PGRMC2: variants seen among roughly 807,000 people sequenced by gnomAD.
PGRMC2 encodes the protein progesterone receptor membrane component 2.
PGRMC2 carries 9 observed loss-of-function variants against 19.3 expected under a neutral mutation model. That is an observed-to-expected ratio of 0.47 (90% CI 0.28 to 0.81). The LOEUF (loss-of-function observed/expected upper bound fraction) is 0.81. Ranked by LOEUF, PGRMC2 falls within the 40% of genes least tolerant of loss-of-function variation. PGRMC2 has a pLI of 0.11. For missense variants in PGRMC2, 289 were observed against 297.3 expected (o/e 0.97, Z 0.21); for synonymous variants, 157 against 124.6 (o/e 1.26, Z -1.73).
At position 128,272,668 on chromosome 4, in the gene PGRMC2, C is replaced by CAGAT. The variant is rs1760751678; in HGVS notation, c.419-155_419-152dup. ...TATACCCTTAATTTCAAAACATGTA[C>CAGAT]AGATACTAGATGGAATAAGAAAAGA... On this transcript the variant is annotated intron_variant, in intron 1 of 2. Transcript: ENST00000296425. The CAGAT allele has an allele frequency of 7.1e-6, 3 of 423,570 alleles. No homozygotes were observed. In the East Asian group the frequency reaches 1.1e-4, roughly 15 times the overall value. 26.2% of individuals were successfully genotyped at this position (423,570 alleles called of 1,614,324 possible). A position where few individuals can be genotyped will look rare whatever the true frequency, so the allele number is the denominator to read the frequency against.
At chr4:128,285,846 A>G (rs1760974890) in intron 1 of PGRMC2, among the ~76,000 whole-genome samples, 1 of 152,200 alleles carries the variant, frequency 6.6e-6, no homozygotes, top group African/African-American at 2.4e-5. Context: ...ATTTCAGTTG[A>G]TATAAGTAGG....
In PGRMC2 at chr4:128,278,320, C is replaced by T. The variant is rs114456226; in HGVS notation, c.419-5803G>A. Among the ~76,000 whole-genome samples the T allele has an allele frequency of 5.3e-3, 803 of 152,280 alleles. 9 individuals carry two copies. Among genetic ancestry groups the T allele is most frequent in the African/African-American group, 0.018 (768 of 41,558 alleles). ...CTAGATAACCTTCTGTTAAAAAACA[C>T]AACCCCTTGGGAGGCCAAGGCGGGT... is the stretch of plus-strand genomic sequence containing the variant. On this transcript the variant is annotated intron_variant, in intron 1 of 2. Coordinates refer to ENST00000296425, the MANE Select transcript of PGRMC2 (RefSeq NM_006320.6).
rs577438997 is a variant in PGRMC2, at chr4:128,272,119, G to A, written c.574+243C>T. ...CTATTTTTTGCAATTTCTTTTTTTG[G>A]ACAAGTCTCACTATGTTGCCCAGGT... is the stretch of plus-strand genomic sequence containing the variant. On this transcript the variant is annotated intron_variant, in intron 2 of 2. Coordinates refer to ENST00000296425, the MANE Select transcript of PGRMC2 (RefSeq NM_006320.6). Among the ~76,000 whole-genome samples the A allele has an allele frequency of 8.6e-5, 13 of 151,400 alleles. No homozygotes were observed. In the South Asian group the frequency reaches 2.7e-3, roughly 32 times the overall value.
chr4:128,281,188 G>A (rs1484896056), intron 1 of PGRMC2, among the ~76,000 whole-genome samples: 1 of 152,190 alleles, frequency 6.6e-6, no homozygotes, highest in African/African-American at 2.4e-5. Flanking sequence ...AAAACAGGAT[G>A]GGGGAGGAAT....
chr4:128,279,878 A>T (rs1760877970), intron 1 of PGRMC2, among the ~76,000 whole-genome samples: 1 of 152,194 alleles, frequency 6.6e-6, no homozygotes, highest in Non-Finnish European at 1.5e-5. Context: ...GGAAGGGAAC[A>T]TGGTGGCTGG....
chr4:128,275,794 T>C (rs752924045), intron 1 of PGRMC2, among the ~76,000 whole-genome samples: 2 of 152,198 alleles, frequency 1.3e-5, no homozygotes, highest in Admixed American at 6.5e-5. Context: ...GGCTCAATCA[T>C]ATTTCACTGT....
In PGRMC2 at chr4:128,274,789, A is replaced by T. The variant is rs1760784034; in HGVS notation, c.419-2272T>A. 2.6e-5 allele frequency among the ~76,000 whole-genome samples: 4 copies of T among 152,208 alleles called. No homozygotes were observed. The South Asian group carries it at 8.3e-4, about 32-fold the overall frequency. ...AAGTGAAACATACAAAAGGAAAAAT[A>T]AAACTAATAAAGGCCATAACAATCT... On this transcript the variant is annotated intron_variant, in intron 1 of 2. Transcript: ENST00000296425.
At position 128,269,766 on chromosome 4, in the gene PGRMC2, G is replaced by T. The variant is rs1036019814; in HGVS notation, c.*1550C>A. The T allele has an allele frequency of 6.6e-6, 1 of 152,156 alleles. No individual in the cohort carries two copies. The highest frequency in any genetic ancestry group is 2.1e-4 in the South Asian group (1 of 4,826). The allele number at this position is 152,156 out of a possible 1,614,324, so 9.4% of individuals were successfully genotyped here. A position where few individuals can be genotyped will look rare whatever the true frequency, so the allele number is the denominator to read the frequency against. On this transcript the variant is annotated 3_prime_UTR_variant, in exon 3 of 3. Transcript: ENST00000296425. Reference sequence around the variant, plus strand: ...TTGATATATGAGGGGCTTTTAGTAAGGGCTTTTTCAACCTAATAAAATAAT... The same window carrying T: ...TTGATATATGAGGGGCTTTTAGTAATGGCTTTTTCAACCTAATAAAATAAT...
At chr4:128,286,773 G>A in intron 1 of PGRMC2, 1 of 396,026 alleles carries the variant, frequency 2.5e-6, no homozygotes, top group Non-Finnish European at 4.4e-6. Context: ...AGTCCGAGGT[G>A]TTGCTTATAC....
chr4:128,271,883 C>T (rs1332363515), intron 2 of PGRMC2, among the ~76,000 whole-genome samples: 2 of 152,110 alleles, frequency 1.3e-5, no homozygotes, highest in Admixed American at 6.6e-5. Context: ...GTGTTAAGAT[C>T]TGTAAAATCA....
chr4:128,283,075 T>G (rs553359075), intron 1 of PGRMC2, among the ~76,000 whole-genome samples: 43 of 152,396 alleles, frequency 2.8e-4, no homozygotes, highest in African/African-American at 1.0e-3. Flanking sequence ...AAGTCAAGTG[T>G]ATAATTTTTT....
chr4:128,285,218 C>T (rs918752990), intron 1 of PGRMC2, among the ~76,000 whole-genome samples: 3 of 152,130 alleles, frequency 2.0e-5, no homozygotes, highest in Non-Finnish European at 4.4e-5. Context: ...CCCCACCTCC[C>T]GGGTTCCAGC....
At chr4:128,272,287 A>T in intron 2 of PGRMC2, 75 bp downstream of exon 2, 2 of 875,352 alleles carry the variant, frequency 2.3e-6, no homozygotes, top group African/African-American at 1.8e-5. Flanking sequence ...TTAGGCTCTT[A>T]AAGCATGTAA....
chr4:128,272,601 A>C (rs1760749796), intron 1 of PGRMC2, 84 bp from the exon 2 acceptor site: 5 of 891,448 alleles, frequency 5.6e-6, no homozygotes, highest in South Asian at 7.9e-5. Context: ...AAAAAAAAAA[A>C]AACACAACAA....
At chr4:128,275,121 T>C (rs1014173616) in intron 1 of PGRMC2, among the ~76,000 whole-genome samples, 17 of 152,150 alleles carry the variant, frequency 1.1e-4, no homozygotes, top group African/African-American at 4.1e-4. Flanking sequence ...GGAATGAAAA[T>C]TTTAGAATAC....
intron 1 of PGRMC2, among the ~76,000 whole-genome samples, chr4:128,283,499 G>A (rs1388205004): frequency 6.6e-6 from 1 of 152,122 alleles, no homozygotes; most frequent in Non-Finnish European, 1.5e-5. Context: ...TATACAAAGT[G>A]CACTGTCCAA....
intron 1 of PGRMC2, among the ~76,000 whole-genome samples, chr4:128,276,288 C>G (rs1760811127): frequency 6.6e-6 from 1 of 152,086 alleles, no homozygotes; most frequent in Admixed American, 6.5e-5. Flanking sequence ...CCAAATAAAG[C>G]CAATTTGAAA....
In PGRMC2 at chr4:128,287,760, C is replaced by G; in HGVS notation, c.31G>C (p.Gly11Arg). ...CTCTCGCTGCCACTCCCCAGGGTGC[C>G]TAGCTTCACGTCCCCATCACCAGCC... MAAGDGDVKL[G>R]TLGSGSESSN... Residue 11 changes from glycine (G) to arginine (R), a missense_variant, in exon 1 of 3, where the codon GGC becomes CGC. By Grantham distance (125) the Gly-to-Arg change is moderately radical. Coordinates refer to ENST00000296425, the MANE Select transcript of PGRMC2 (RefSeq NM_006320.6). 6.8e-7 allele frequency: 1 copy of G among 1,479,802 alleles called. No homozygotes were observed. Among genetic ancestry groups the G allele is most frequent in the Non-Finnish European group, 9.3e-7 (1 of 1,080,564 alleles). The allele number at this position is 1,479,802 out of a possible 1,614,324, so 91.7% of individuals were successfully genotyped here. A position where few individuals can be genotyped will look rare whatever the true frequency, so the allele number is the denominator to read the frequency against.
intron 1 of PGRMC2, among the ~76,000 whole-genome samples, chr4:128,274,968 A>C (rs1760786129): frequency 6.6e-6 from 1 of 152,152 alleles, no homozygotes; most frequent in Non-Finnish European, 1.5e-5. Context: ...TTTGCCTAAA[A>C]TTACTGACAG....
Sources: gnomAD v4.1 joint callset for allele counts (sites outside exome capture counted in the v4.1 genomes callset) on GRCh38, gnomAD v4.1.1 for gene constraint, MANE v1.5 for transcripts, NCBI Gene and HGNC (gene_info 2026-07-23, HGNC 2026-07-21) for gene names.